The following SH3RF3 variants were observed in gnomAD, a reference collection of about 807,000 sequenced individuals.
The protein encoded by SH3RF3 is E3 ubiquitin-protein ligase SH3RF3.
A neutral mutation model predicts 66.3 loss-of-function variants in SH3RF3; 29 were observed. The observed-to-expected ratio is 0.44, with a 90% CI of 0.33 to 0.60. SH3RF3 has a LOEUF of 0.60. Among genes scored for constraint, SH3RF3 ranks in the 20% least tolerant of loss-of-function variants. SH3RF3 has a pLI of 0.04. For missense variants in SH3RF3, 1,194 were observed against 1,190.9 expected, an observed-to-expected ratio of 1.00 and a Z score of -0.04; for synonymous variants, 583 against 532.0, an observed-to-expected ratio of 1.10 and a Z score of -1.32.
chr2:109,429,927 C>A (rs7600004), intron 5 of SH3RF3, among the ~76,000 whole-genome samples: 10,035 of 147,974 alleles, frequency 0.068, 415 homozygotes, highest in South Asian at 0.1. Flanking sequence ...CCCCAGTCAG[C>A]GGGTGTAGCC....
chr2:109,277,570 T>C (rs1025890591), intron 1 of SH3RF3, among the ~76,000 whole-genome samples: 2 of 152,170 alleles, frequency 1.3e-5, no homozygotes, highest in African/African-American at 4.8e-5. Flanking sequence ...GAGACTTACG[T>C]GTACACTGTC....
intron 2 of SH3RF3, among the ~76,000 whole-genome samples, chr2:109,349,648 G>T (rs928019253): frequency 6.6e-6 from 1 of 152,204 alleles, no homozygotes; most frequent in South Asian, 2.1e-4. Flanking sequence ...CAGGCTTGGC[G>T]GGCTCCAGGC....
chr2:109,431,532 G>A (rs920100096), intron 5 of SH3RF3, among the ~76,000 whole-genome samples: 5 of 152,314 alleles, frequency 3.3e-5, no homozygotes, highest in Admixed American at 3.3e-4. Context: ...TAGAGGCACA[G>A]CATCTAAACC....
chr2:109,493,852 A>C (rs999140286), intron 9 of SH3RF3, among the ~76,000 whole-genome samples: 4 of 152,086 alleles, frequency 2.6e-5, no homozygotes. Flanking sequence ...CACATAATAC[A>C]AACACATATT....
chr2:109,279,661 T>A (rs1162006752), intron 1 of SH3RF3, among the ~76,000 whole-genome samples: 1 of 152,240 alleles, frequency 6.6e-6, no homozygotes, highest in Non-Finnish European at 1.5e-5. Flanking sequence ...CACTGTTTCC[T>A]TTTGGAATTC....
At chr2:109,351,819 A>G (rs1010127740) in intron 2 of SH3RF3, among the ~76,000 whole-genome samples, 2 of 151,842 alleles carry the variant, frequency 1.3e-5, no homozygotes, top group African/African-American at 4.8e-5. Context: ...CCCTCATCTC[A>G]CCCTCGATTT....
At chr2:109,329,540 C>T (rs1205420404) in intron 1 of SH3RF3, among the ~76,000 whole-genome samples, 4 of 152,222 alleles carry the variant, frequency 2.6e-5, no homozygotes, top group Non-Finnish European at 5.9e-5. Context: ...TCTCCCTTCC[C>T]TGCACTGGGG....
chr2:109,437,635 G>A (rs559632635), intron 7 of SH3RF3, among the ~76,000 whole-genome samples: 5 of 152,160 alleles, frequency 3.3e-5, no homozygotes, highest in African/African-American at 4.8e-5. Context: ...GGTGAGACTC[G>A]GGCCCAGGCT....
chr2:109,249,475 T>C lies in SH3RF3; in HGVS notation c.574-98199T>C, dbSNP rs185732111. ...TCTCTCTTTCTCTCTTTCTCTTTCT[T>C]TCTTTCTTTCTTTCTTTCTTTCTTT... On this transcript the variant is annotated intron_variant, in intron 1 of 9. Coordinates refer to ENST00000309415, the MANE Select transcript of SH3RF3 (RefSeq NM_001099289.3). Among the ~76,000 whole-genome samples the C allele has an allele frequency of 3.6e-3, 66 of 18,280 alleles. 1 individual carries two copies. Among genetic ancestry groups the C allele is most frequent in the African/African-American group, 0.025 (59 of 2,326 alleles). 12.0% of individuals were successfully genotyped at this position (18,280 alleles called of 152,430 possible). A position where few individuals can be genotyped will look rare whatever the true frequency, so the allele number is the denominator to read the frequency against.
intron 7 of SH3RF3, among the ~76,000 whole-genome samples, chr2:109,443,071 TATC>T (rs1404007629): frequency 7.9e-5 from 12 of 152,258 alleles, no homozygotes; most frequent in Admixed American, 7.9e-4. Flanking sequence ...TCTATGAAGT[TATC>T]ATGAACACTG....
chr2:109,378,649 T>C (rs904604995), intron 3 of SH3RF3, among the ~76,000 whole-genome samples: 5 of 152,236 alleles, frequency 3.3e-5, no homozygotes, highest in African/African-American at 1.2e-4. Flanking sequence ...TTTGGTGTTT[T>C]TGAGGCTCGC....
At chr2:109,440,303 C>G (rs891859350) in intron 7 of SH3RF3, among the ~76,000 whole-genome samples, 4 of 152,142 alleles carry the variant, frequency 2.6e-5, no homozygotes, top group Non-Finnish European at 5.9e-5. Context: ...ATGGGGAGCT[C>G]TTGGGCCGCC....
chr2:109,393,896 C>A lies in SH3RF3; in HGVS notation c.946-4694C>A, dbSNP rs867650583. 1.6e-4 allele frequency among the ~76,000 whole-genome samples: 24 copies of A among 151,244 alleles called. 1 individual carries two copies. The Middle Eastern group carries it at 0.027, about 173-fold the overall frequency. ...TACTCCTTTTTTAAGAAAAAAAAAA[C>A]AAAGTCTCCTCAGTCAGACCCAGGG... is the stretch of plus-strand genomic sequence containing the variant. On this transcript the variant is annotated intron_variant, in intron 3 of 9. Transcript: ENST00000309415.
At chr2:109,227,514 T>TCA in intron 1 of SH3RF3, among the ~76,000 whole-genome samples, 1 of 152,174 alleles carries the variant, frequency 6.6e-6, no homozygotes, top group African/African-American at 2.4e-5. Flanking sequence ...GTTGGGTGCT[T>TCA]TGTGTGGGCT....
intron 7 of SH3RF3, among the ~76,000 whole-genome samples, chr2:109,441,211 A>C (rs554531422): frequency 2.0e-5 from 3 of 152,270 alleles, no homozygotes; most frequent in East Asian, 3.9e-4. Context: ...TGAGGCATGC[A>C]AAGGAGCAGG....
At chr2:109,350,519 C>A (rs1431237080) in intron 2 of SH3RF3, among the ~76,000 whole-genome samples, 2 of 152,212 alleles carry the variant, frequency 1.3e-5, no homozygotes, top group Non-Finnish European at 1.5e-5. Context: ...CCTCTGACCC[C>A]CAAAGGGCGA....
chr2:109,419,692 C>T, intron 5 of SH3RF3, 50 bp downstream of exon 5: 2 of 1,513,504 alleles, frequency 1.3e-6, no homozygotes, highest in South Asian at 2.4e-5. Flanking sequence ...AGCCCTCCCT[C>T]CTGCCTGGGC....
intron 1 of SH3RF3, among the ~76,000 whole-genome samples, chr2:109,282,666 G>A (rs1243573917): frequency 6.6e-6 from 1 of 152,230 alleles, no homozygotes; most frequent in Non-Finnish European, 1.5e-5. Flanking sequence ...TTTGCTTGGA[G>A]CACTTCACTT....
At chr2:109,248,787 TTCTCTTTCTGTCTC>T (rs1201609934) in intron 1 of SH3RF3, among the ~76,000 whole-genome samples, 1 of 151,270 alleles carries the variant, frequency 6.6e-6, no homozygotes, top group East Asian at 1.9e-4. Context: ...CTTTCTGTCT[TTCTCTTTCTGTCTC>T]TCTTTCTCTT....
Sources: allele counts gnomAD v4.1 joint callset (sites outside exome capture counted in the v4.1 genomes callset), GRCh38; gene constraint gnomAD v4.1.1; transcripts MANE v1.5; gene names NCBI Gene and HGNC (gene_info 2026-07-23, HGNC 2026-07-21).